Variants in ZFHX3 observed in about 807,000 individuals in gnomAD.
ZFHX3 encodes zinc finger homeobox protein 3.
Under a neutral mutation model 279.1 loss-of-function variants are expected in ZFHX3, and 42 were observed. The observed-to-expected ratio is 0.15, with a 90% confidence interval of 0.12 to 0.19. The LOEUF (loss-of-function observed/expected upper bound fraction) is 0.19. Ranked by LOEUF, ZFHX3 falls within the 10% of genes least tolerant of loss-of-function variation. The probability of loss-of-function intolerance (pLI) is 1.00; values close to 1 mark genes in which losing one functional copy is unlikely to be tolerated. For missense variants in ZFHX3, 4,981 were observed against 4,754.0 expected (o/e 1.05, Z -1.40); for synonymous variants, 2,293 against 1,957.8 (o/e 1.17, Z -4.52).
At position 73,581,345 on chromosome 16, in the gene ZFHX3, C is replaced by A. The variant is rs921612353; in HGVS notation, c.-1547+98835G>T. 1.8e-4 allele frequency among the ~76,000 whole-genome samples: 28 copies of A among 151,744 alleles called. 1 individual carries two copies. Among genetic ancestry groups the A allele is most frequent in the Admixed American group, 1.8e-3 (27 of 15,250 alleles). ...CAAAGTCCTATCTACATTAAAATTTCAACTATAGCAGTTGTAAACAAAACT... is the reference window on the plus strand; with the variant it reads ...CAAAGTCCTATCTACATTAAAATTTAAACTATAGCAGTTGTAAACAAAACT... On this transcript the variant is annotated intron_variant, in intron 2 of 17. Coordinates refer to the ZFHX3 transcript ENST00000641206.
intron 3 of ZFHX3, among the ~76,000 whole-genome samples, chr16:72,908,864 T>G (rs1406081188): frequency 6.6e-6 from 1 of 152,244 alleles, no homozygotes; most frequent in Non-Finnish European, 1.5e-5. Context: ...ACTTAACATT[T>G]AGAATAATAC....
In ZFHX3 at chr16:72,959,995, C is replaced by T. The variant is rs376506658; in HGVS notation, c.151G>A (p.Asp51Asn). 2 of 1,613,764 alleles carry T rather than the reference C, an allele frequency of 1.2e-6. No homozygotes were observed. The highest frequency in any genetic ancestry group is 1.7e-6 in the Non-Finnish European group (2 of 1,179,770). The change falls in exon 2 of 10, where the codon GAC (aspartate) becomes AAC (asparagine). Residue 51 changes from aspartate (D) to asparagine (N), a missense_variant. Asp to Asn is a conservative substitution (Grantham distance 23, BLOSUM62 1). Around this residue, in one of 7 missense-constraint regions of ZFHX3, gnomAD observed 1,068 missense variants for 935.2 expected, o/e 1.14. Transcript: ENST00000268489. Reference sequence around the variant, plus strand: ...TCATTGAAGGGGGCCCTCAGGCTGTCCAAGGGCCCGTGGCTCTCGCCTGTG... The same window carrying T: ...TCATTGAAGGGGGCCCTCAGGCTGTTCAAGGGCCCGTGGCTCTCGCCTGTG... ...QSTGESHGPL[D>N]SLRAPFNERL... is the part of the protein sequence containing the mutation.
intron 1 of ZFHX3, among the ~76,000 whole-genome samples, chr16:73,839,797 G>A (rs1340643411): frequency 6.6e-6 from 1 of 152,178 alleles, no homozygotes; most frequent in Non-Finnish European, 1.5e-5. Flanking sequence ...TCCGACATGG[G>A]AAACAGGTTC....
chr16:73,322,130 A>G (rs542906979), intron 3 of ZFHX3, among the ~76,000 whole-genome samples: 1 of 152,290 alleles, frequency 6.6e-6, no homozygotes, highest in South Asian at 2.1e-4. Context: ...CACAGCTCGG[A>G]GAGCAGAGGG....
At chr16:72,884,295 T>G (rs2038568799) in intron 4 of ZFHX3, among the ~76,000 whole-genome samples, 1 of 152,194 alleles carries the variant, frequency 6.6e-6, no homozygotes, top group South Asian at 2.1e-4. Context: ...AATTCGCTAC[T>G]ATGAATGCCA....
At chr16:73,633,596 A>G (rs900720344) in intron 2 of ZFHX3, among the ~76,000 whole-genome samples, 5 of 152,224 alleles carry the variant, frequency 3.3e-5, no homozygotes, top group African/African-American at 1.2e-4. Flanking sequence ...GCTTTTCTCT[A>G]TAACTGAAGG....
chr16:72,787,042 T>C lies in ZFHX3; in HGVS notation c.*122A>G, dbSNP rs2035412464. 3 of 801,298 alleles carry C rather than the reference T, an allele frequency of 3.7e-6. No homozygotes were observed. Among genetic ancestry groups the C allele is most frequent in the Non-Finnish European group, 4.8e-6 (3 of 622,970 alleles). The allele number at this position is 801,298 out of a possible 1,614,324, so 49.6% of individuals were successfully genotyped here. On this transcript the variant is annotated 3_prime_UTR_variant, in exon 10 of 10. Transcript: ENST00000268489. Reference sequence around the variant, plus strand: ...ACCCACGCTTTTTCTTTTTTTTCTTTTTTTTTTTTTTTTTGTTTTTTGGTT... The same window carrying C: ...ACCCACGCTTTTTCTTTTTTTTCTTCTTTTTTTTTTTTTTGTTTTTTGGTT...
At chr16:72,921,847 G>A (rs1045084846) in intron 3 of ZFHX3, among the ~76,000 whole-genome samples, 1 of 152,184 alleles carries the variant, frequency 6.6e-6, no homozygotes, top group South Asian at 2.1e-4. Context: ...AACCCTCACC[G>A]GCAGCAGGCA....
intron 2 of ZFHX3, among the ~76,000 whole-genome samples, chr16:73,549,066 G>A (rs927930159): frequency 6.6e-6 from 1 of 152,096 alleles, no homozygotes; most frequent in Non-Finnish European, 1.5e-5. Flanking sequence ...TGTTCACAAG[G>A]TGATGCTTTG....
chr16:73,083,791 A>G (rs953571285), intron 8 of ZFHX3, among the ~76,000 whole-genome samples: 7 of 152,114 alleles, frequency 4.6e-5, no homozygotes, highest in Non-Finnish European at 7.4e-5. Flanking sequence ...CAGCCTCCCA[A>G]GTGCTGGGAT....
At chr16:73,341,113 TG>T (rs1410754199) in intron 3 of ZFHX3, among the ~76,000 whole-genome samples, 1 of 151,920 alleles carries the variant, frequency 6.6e-6, no homozygotes, top group Non-Finnish European at 1.5e-5. Flanking sequence ...GAGGCCGAGG[TG>T]GGTGGATCAT....
chr16:73,631,030 T>C (rs947884257), intron 2 of ZFHX3, among the ~76,000 whole-genome samples: 9 of 11,072 alleles, frequency 8.1e-4, no homozygotes, highest in African/African-American at 1.7e-3. Flanking sequence ...GTGCTTTCCC[T>C]GAGAATTTTC....
At chr16:73,036,010 C>T (rs1964887580) in intron 1 of ZFHX3, among the ~76,000 whole-genome samples, 1 of 152,268 alleles carries the variant, frequency 6.6e-6, no homozygotes, top group Admixed American at 6.5e-5. Context: ...TTCTTACTAT[C>T]AAGAGAAGAC....
At chr16:73,733,035 T>C (rs542139393) in intron 1 of ZFHX3, among the ~76,000 whole-genome samples, 35 of 152,232 alleles carry the variant, frequency 2.3e-4, no homozygotes, top group Middle Eastern at 3.2e-3. Flanking sequence ...TGTTAGGTGA[T>C]GCTTTTTTAC....
intron 1 of ZFHX3, among the ~76,000 whole-genome samples, chr16:73,739,476 T>G (rs1184012854): frequency 2.6e-5 from 4 of 152,156 alleles, no homozygotes; most frequent in Non-Finnish European, 5.9e-5. Context: ...TCCCCAGATG[T>G]TGCAAAAGTC....
At chr16:73,343,024 A>G (rs1327451077) in intron 3 of ZFHX3, among the ~76,000 whole-genome samples, 1 of 152,216 alleles carries the variant, frequency 6.6e-6, no homozygotes, top group Non-Finnish European at 1.5e-5. Context: ...TGCATGAACA[A>G]TTCCAAAACA....
intron 3 of ZFHX3, among the ~76,000 whole-genome samples, chr16:72,899,905 A>G (rs12597280): frequency 0.14 from 21,049 of 152,058 alleles, 2,007 homozygotes; most frequent in East Asian, 0.28. Context: ...TCTACTGAAC[A>G]TACCTATTTG....
intron 3 of ZFHX3, among the ~76,000 whole-genome samples, chr16:72,922,532 G>A (rs534358927): frequency 2.8e-4 from 42 of 152,230 alleles, no homozygotes; most frequent in African/African-American, 8.4e-4. Flanking sequence ...TGGCTTTAGC[G>A]TCACAGAAAG....
chr16:73,775,340 T>C (rs917951709), intron 1 of ZFHX3, among the ~76,000 whole-genome samples: 1 of 152,194 alleles, frequency 6.6e-6, no homozygotes, highest in Admixed American at 6.5e-5. Flanking sequence ...CCAATATAGT[T>C]ATATAAGCGC....
Sources: allele counts gnomAD v4.1 joint callset (sites outside exome capture counted in the v4.1 genomes callset), GRCh38; gene constraint gnomAD v4.1.1; regional missense constraint gnomAD v4.1.1; transcripts MANE v1.5; gene names NCBI Gene and HGNC (gene_info 2026-07-23, HGNC 2026-07-21).